Variants in TRHDE observed in about 807,000 individuals in gnomAD.
The protein encoded by TRHDE is thyrotropin-releasing hormone-degrading ectoenzyme.
Under a neutral mutation model 125.7 loss-of-function variants are expected in TRHDE, and 72 were observed. That is an observed-to-expected ratio of 0.57 (90% CI 0.47 to 0.70). The LOEUF (loss-of-function observed/expected upper bound fraction) is 0.70, where lower values mean the gene tolerates loss of function less well. Among genes scored for constraint, TRHDE ranks in the 30% least tolerant of loss-of-function variants. TRHDE has a pLI of 0.00. For missense variants in TRHDE, 1,110 were observed against 1,327.1 expected, an observed-to-expected ratio of 0.84 and a Z score of 2.54; for synonymous variants, 509 against 509.1, an observed-to-expected ratio of 1.00 and a Z score of 0.00.
chr12:72,650,707 A>T, intron 15 of TRHDE, among the ~76,000 whole-genome samples: 1 of 151,884 alleles, frequency 6.6e-6, no homozygotes, highest in African/African-American at 2.4e-5. Context: ...TTTTTCTTGC[A>T]AGTTTTTATT....
chr12:72,219,970 T>A (rs1877969963), intron 2 of TRHDE, among the ~76,000 whole-genome samples: 1 of 152,136 alleles, frequency 6.6e-6, no homozygotes, highest in Non-Finnish European at 1.5e-5. Context: ...TAACCAAGCC[T>A]GGAATGGGTT....
At chr12:72,461,909 T>G (rs1876143228) in intron 3 of TRHDE, among the ~76,000 whole-genome samples, 1 of 152,208 alleles carries the variant, frequency 6.6e-6, no homozygotes, top group African/African-American at 2.4e-5. Flanking sequence ...ACATTTATCA[T>G]GCTTACTATG....
chr12:72,414,367 G>T (rs1027402686), intron 3 of TRHDE, among the ~76,000 whole-genome samples: 1 of 152,048 alleles, frequency 6.6e-6, no homozygotes, highest in African/African-American at 2.4e-5. Flanking sequence ...TTCATGTGCT[G>T]TAATACTAAC....
intron 2 of TRHDE, among the ~76,000 whole-genome samples, chr12:72,144,952 G>T (rs1876195804): frequency 6.6e-6 from 1 of 152,076 alleles, no homozygotes; most frequent in South Asian, 2.1e-4. Context: ...TCCTGCCAGG[G>T]GCTGGTGGAG....
intron 2 of TRHDE, among the ~76,000 whole-genome samples, chr12:72,316,013 C>T (rs749744000): frequency 1.3e-5 from 2 of 152,074 alleles, no homozygotes; most frequent in Non-Finnish European, 2.9e-5. Context: ...TGAGGCCTGG[C>T]CTTGATTCGC....
rs189481429 is a variant in TRHDE, at chr12:72,284,436, C to T, written c.915-2245C>T. ...TTAATAAGCTGAAAGATAAGATTCA[C>T]GAGCATTATGTAAGATAAAAGCATA... is the stretch of plus-strand genomic sequence containing the variant. On this transcript the variant is annotated intron_variant, in intron 1 of 18. Coordinates refer to ENST00000261180, the MANE Select transcript of TRHDE (RefSeq NM_013381.3). Among the ~76,000 whole-genome samples, 353 of 152,096 alleles carry T rather than the reference C, an allele frequency of 2.3e-3. 1 individual carries two copies. Among genetic ancestry groups the T allele is most frequent in the Non-Finnish European group, 4.0e-3 (272 of 67,992 alleles).
chr12:72,459,380 C>T (rs1034170352), intron 3 of TRHDE, among the ~76,000 whole-genome samples: 3 of 152,132 alleles, frequency 2.0e-5, no homozygotes, highest in African/African-American at 2.4e-5. Flanking sequence ...CATCTTTTAT[C>T]CACAATAGCT....
chr12:72,591,632 G>GTTTTTTTT (rs71071842), intron 12 of TRHDE, among the ~76,000 whole-genome samples: 9,734 of 123,040 alleles, frequency 0.079, 486 homozygotes, highest in East Asian at 0.27. Flanking sequence ...AAGGATATGG[G>GTTTTTTTT]TTTTTTTTTT....
intron 2 of TRHDE, among the ~76,000 whole-genome samples, chr12:72,305,559 A>G (rs1393578608): frequency 5.3e-5 from 8 of 152,338 alleles, no homozygotes; most frequent in Admixed American, 2.0e-4. Flanking sequence ...TAGCATTTTC[A>G]ATAGGATTCA....
At chr12:72,613,365 A>G (rs1317315200) in intron 12 of TRHDE, among the ~76,000 whole-genome samples, 2 of 152,184 alleles carry the variant, frequency 1.3e-5, no homozygotes, top group Non-Finnish European at 2.9e-5. Context: ...CAAAAATACA[A>G]ATGTCACTCT....
intron 6 of TRHDE, among the ~76,000 whole-genome samples, chr12:72,534,658 G>T (rs774721962): frequency 6.6e-6 from 1 of 151,852 alleles, no homozygotes; most frequent in Non-Finnish European, 1.5e-5. Flanking sequence ...ACTGTACCAA[G>T]TACTTTATAT....
At chr12:72,425,048 T>C (rs1378129990) in intron 3 of TRHDE, among the ~76,000 whole-genome samples, 1 of 152,068 alleles carries the variant, frequency 6.6e-6, no homozygotes, top group Non-Finnish European at 1.5e-5. Context: ...ATAAGAAAAA[T>C]GAAAGCAATA....
intron 6 of TRHDE, among the ~76,000 whole-genome samples, chr12:72,517,238 C>T (rs1479000680): frequency 6.6e-6 from 1 of 151,380 alleles, no homozygotes; most frequent in Non-Finnish European, 1.5e-5. Flanking sequence ...CCTCCTTGTA[C>T]CTCTGGTAGA....
At chr12:72,330,632 A>G (rs1458384333) in intron 2 of TRHDE, among the ~76,000 whole-genome samples, 1 of 152,242 alleles carries the variant, frequency 6.6e-6, no homozygotes, top group African/African-American at 2.4e-5. Flanking sequence ...GCTGGCAGTT[A>G]GGCAGCTCTG....
At chr12:72,222,111 G>T (rs1878013432) in intron 2 of TRHDE, among the ~76,000 whole-genome samples, 1 of 152,044 alleles carries the variant, frequency 6.6e-6, no homozygotes, top group South Asian at 2.1e-4. Context: ...TGTATTTTGT[G>T]ACTGAGCTAT....
At chr12:72,275,813 C>T (rs951098443) in intron 1 of TRHDE, among the ~76,000 whole-genome samples, 3 of 152,104 alleles carry the variant, frequency 2.0e-5, no homozygotes, top group Admixed American at 6.5e-5. Context: ...TTGCAGTTTT[C>T]CCCAAAGAAG....
intron 2 of TRHDE, among the ~76,000 whole-genome samples, chr12:72,245,889 G>T (rs999042444): frequency 4.6e-5 from 7 of 151,682 alleles, no homozygotes; most frequent in Non-Finnish European, 1.5e-5. Context: ...TTTAGTCAAG[G>T]TATTTTTTAT....
intron 10 of TRHDE, among the ~76,000 whole-genome samples, chr12:72,569,752 G>A (rs1158817497): frequency 6.6e-6 from 1 of 152,114 alleles, no homozygotes; most frequent in African/African-American, 2.4e-5. Context: ...TGTATATGAA[G>A]CATTGATAAG....
At position 72,412,826 on chromosome 12, in the gene TRHDE, A is replaced by G. The variant is rs369757073; in HGVS notation, c.1315+34705A>G. Among the ~76,000 whole-genome samples the G allele has an allele frequency of 1.5e-4, 23 of 152,274 alleles. No homozygotes were observed. In the South Asian group the frequency reaches 4.8e-3, roughly 32 times the overall value. On this transcript the variant is annotated intron_variant, in intron 3 of 18. Transcript: ENST00000261180. ...TATGTAATTTCATGTATATGAAATT[A>G]AACAGCAGAACTAAATGGTTGTATA... is the stretch of plus-strand genomic sequence containing the variant.
Sources: gnomAD v4.1 joint callset for allele counts (sites outside exome capture counted in the v4.1 genomes callset) on GRCh38, gnomAD v4.1.1 for gene constraint, MANE v1.5 for transcripts, NCBI Gene and HGNC (gene_info 2026-07-23, HGNC 2026-07-21) for gene names.